Variants in DCLK1 observed in about 807,000 individuals in gnomAD.
DCLK1 encodes serine/threonine-protein kinase DCLK1.
In DCLK1, 16 loss-of-function variants were observed where a neutral mutation model predicts 86.2. That is an observed-to-expected ratio of 0.19 (90% CI 0.13 to 0.28). The LOEUF is 0.28. DCLK1 is among the 10% of genes least tolerant of loss of function. The pLI is 1.00. For missense variants in DCLK1, 590 were observed against 940.2 expected, an observed-to-expected ratio of 0.63 and a Z score of 4.87; for synonymous variants, 369 against 370.5, an observed-to-expected ratio of 1.00 and a Z score of 0.05.
chr13:36,102,122 G>A (rs9565848), intron 3 of DCLK1, among the ~76,000 whole-genome samples: 16,564 of 151,518 alleles, frequency 0.11, 1,435 homozygotes, highest in South Asian at 0.29. Flanking sequence ...TTTCTGTTGT[G>A]TAAGCAGTTT....
At chr13:36,124,475 G>C (rs1391694388) in intron 2 of DCLK1, among the ~76,000 whole-genome samples, 3 of 152,198 alleles carry the variant, frequency 2.0e-5, no homozygotes, top group Non-Finnish European at 4.4e-5. Context: ...CTGTGATCAG[G>C]CTGGCATTTC....
intron 3 of DCLK1, among the ~76,000 whole-genome samples, chr13:35,997,857 C>T (rs1360199142): frequency 6.6e-6 from 1 of 152,102 alleles, no homozygotes; most frequent in Non-Finnish European, 1.5e-5. Context: ...TTTTGGGTAG[C>T]TTGGTGTAGC....
At chr13:36,042,702 G>T (rs1042173571) in intron 3 of DCLK1, among the ~76,000 whole-genome samples, 1 of 152,142 alleles carries the variant, frequency 6.6e-6, no homozygotes, top group African/African-American at 2.4e-5. Context: ...TCTCTAGTAG[G>T]CATCTAATGG....
chr13:35,814,874 A>T (rs1667858295), intron 11 of DCLK1, among the ~76,000 whole-genome samples: 1 of 152,132 alleles, frequency 6.6e-6, no homozygotes, highest in Non-Finnish European at 1.5e-5. Flanking sequence ...TACCATAAAG[A>T]CTGTCAGTAT....
chr13:35,868,093 G>A (rs904888606), intron 5 of DCLK1, among the ~76,000 whole-genome samples: 5 of 141,422 alleles, frequency 3.5e-5, no homozygotes, highest in African/African-American at 5.3e-5. Context: ...CACCATCTCC[G>A]CTCACTGCAA....
chr13:35,796,915 A>C (rs772612080), intron 15 of DCLK1, among the ~76,000 whole-genome samples: 2 of 152,228 alleles, frequency 1.3e-5, no homozygotes, highest in Non-Finnish European at 2.9e-5. Flanking sequence ...ACACGACTTA[A>C]TGGAGCCTGG....
intron 11 of DCLK1, among the ~76,000 whole-genome samples, chr13:35,812,116 C>T (rs2087158929): frequency 6.6e-6 from 1 of 152,158 alleles, no homozygotes; most frequent in Non-Finnish European, 1.5e-5. Context: ...ATGCATGTGA[C>T]TGTAGGCAAG....
Position 35,981,739 on chromosome 13 carries a change from G to A in DCLK1, c.724-34282C>T, listed in dbSNP as rs572617205. On this transcript the variant is annotated intron_variant, in intron 3 of 16. Transcript: ENST00000360631. ...CCACCTTTTGGCTGTTGTGAATAAT[G>A]CTGCCATGAACATGGGTATACAAAT... is the stretch of plus-strand genomic sequence containing the variant. 4.6e-5 allele frequency among the ~76,000 whole-genome samples: 7 copies of A among 152,324 alleles called. No individual in the cohort carries two copies. In the South Asian group the frequency reaches 1.5e-3, roughly 32 times the overall value.
intron 3 of DCLK1, among the ~76,000 whole-genome samples, chr13:36,034,515 G>A (rs1882413840): frequency 6.6e-6 from 1 of 152,076 alleles, no homozygotes; most frequent in Admixed American, 6.6e-5. Context: ...TTGTCCCTTG[G>A]ATTTACAAAC....
intron 4 of DCLK1, among the ~76,000 whole-genome samples, chr13:35,926,729 A>C (rs1005165962): frequency 6.6e-6 from 1 of 152,182 alleles, no homozygotes; most frequent in Non-Finnish European, 1.5e-5. Flanking sequence ...TTTCACCTAC[A>C]TCATCTCTTT....
chr13:36,007,849 T>G (rs1881053477), intron 3 of DCLK1, among the ~76,000 whole-genome samples: 2 of 152,156 alleles, frequency 1.3e-5, no homozygotes, highest in South Asian at 4.1e-4. Flanking sequence ...TAAAACTTAA[T>G]GAAATATTTA....
intron 15 of DCLK1, among the ~76,000 whole-genome samples, chr13:35,801,458 ATT>A (rs57750199): frequency 0.16 from 24,435 of 151,038 alleles, 2,996 homozygotes; most frequent in African/African-American, 0.34. Flanking sequence ...TATTAAAACC[ATT>A]TTTTTTTTCT....
intron 4 of DCLK1, among the ~76,000 whole-genome samples, chr13:35,912,602 C>T (rs1263456941): frequency 6.6e-6 from 1 of 152,136 alleles, no homozygotes; most frequent in Non-Finnish European, 1.5e-5. Flanking sequence ...TGACCCCTCT[C>T]CAGCTCCCCT....
rs946598472 is a variant in DCLK1, at chr13:35,773,241, C to T, written c.*1294G>A. 3 of 152,254 alleles carry T rather than the reference C, an allele frequency of 2.0e-5. No homozygotes were observed. The East Asian group carries it at 5.8e-4, about 29-fold the overall frequency. 9.4% of individuals were successfully genotyped at this position (152,254 alleles called of 1,614,324 possible). On this transcript the variant is annotated 3_prime_UTR_variant, in exon 17 of 17. Coordinates refer to ENST00000360631, the MANE Select transcript of DCLK1 (RefSeq NM_001330071.2). ...TACAGGTCTCAGACAGGACTTGGCC[C>T]AAAGACAGAAAAAACACTCTGACCT...
rs893562107 is a variant in DCLK1, at chr13:35,831,663, G to A, written c.1230-3356C>T. ...ATTACTGGTGAGGTGAATACAGGCC[G>A]TTTGCTTGCTTGTTTTTGAAATTAT... On this transcript the variant is annotated intron_variant, in intron 8 of 16. Transcript: ENST00000360631. Among the ~76,000 whole-genome samples, 4 of 152,020 alleles carry A rather than the reference G, an allele frequency of 2.6e-5. No individual in the cohort carries two copies. In the South Asian group the frequency reaches 6.2e-4, roughly 24 times the overall value.
chr13:35,825,139 T>G (rs1238494752), intron 10 of DCLK1, among the ~76,000 whole-genome samples: 1 of 152,180 alleles, frequency 6.6e-6, no homozygotes, highest in Non-Finnish European at 1.5e-5. Context: ...GTCCGGAACA[T>G]GAGCCTTGTT....
chr13:35,778,271 C>A (rs905974546), intron 16 of DCLK1, among the ~76,000 whole-genome samples: 2 of 152,174 alleles, frequency 1.3e-5, no homozygotes, highest in South Asian at 2.1e-4. Flanking sequence ...CTTGTCCCAG[C>A]CTTTGCAATG....
intron 3 of DCLK1, among the ~76,000 whole-genome samples, chr13:36,079,096 CTAGAGAT>C (rs552276807): frequency 1.7e-4 from 26 of 152,186 alleles, no homozygotes; most frequent in African/African-American, 6.3e-4. Flanking sequence ...GGCTACATGG[CTAGAGAT>C]GAGACCATGT....
At chr13:35,969,230 C>T (rs1167137978) in intron 3 of DCLK1, among the ~76,000 whole-genome samples, 4 of 152,134 alleles carry the variant, frequency 2.6e-5, no homozygotes, top group Non-Finnish European at 4.4e-5. Context: ...AAGATACATC[C>T]AAGTCCTAAC....
Sources: gnomAD v4.1 joint callset for allele counts (sites outside exome capture counted in the v4.1 genomes callset) on GRCh38, gnomAD v4.1.1 for gene constraint, MANE v1.5 for transcripts, NCBI Gene and HGNC (gene_info 2026-07-23, HGNC 2026-07-21) for gene names.